CELF4: variants seen among roughly 807,000 people sequenced by gnomAD.
The protein encoded by CELF4 is CUGBP Elav-like family member 4.
Under a neutral mutation model 59.9 loss-of-function variants are expected in CELF4, and 18 were observed. The observed-to-expected ratio is 0.30, with a 90% CI of 0.21 to 0.45. The LOEUF is 0.45. CELF4 is among the 20% of genes least tolerant of loss of function. The pLI, the probability that CELF4 is intolerant of heterozygous loss-of-function variation, is 1.00. For synonymous variants in CELF4, 261 were observed against 267.1 expected (o/e 0.98, Z 0.22); for missense variants, 456 against 689.0 (o/e 0.66, Z 3.79).
intron 2 of CELF4, among the ~76,000 whole-genome samples, 181 bp from the exon 3 acceptor site, chr18:37,322,062 G>T (rs1233565726): frequency 6.6e-6 from 1 of 152,216 alleles, no homozygotes; most frequent in Admixed American, 6.5e-5. Context: ...TCCCCTCGAC[G>T]GCACGGCCCC....
chr18:37,386,439 A>G (rs957366992), intron 2 of CELF4, among the ~76,000 whole-genome samples: 12 of 152,092 alleles, frequency 7.9e-5, no homozygotes, highest in Admixed American at 6.5e-4. Context: ...CTGTGTGGAG[A>G]GGCCAGCTTG....
At chr18:37,345,023 T>C (rs1328510226) in intron 2 of CELF4, among the ~76,000 whole-genome samples, 1 of 152,322 alleles carries the variant, frequency 6.6e-6, no homozygotes, top group South Asian at 2.1e-4. Flanking sequence ...AAGTCCATGT[T>C]TGCAGGATGT....
At chr18:37,307,130 C>G (rs1466404354) in intron 3 of CELF4, among the ~76,000 whole-genome samples, 1 of 152,086 alleles carries the variant, frequency 6.6e-6, no homozygotes, top group East Asian at 1.9e-4. Context: ...GGGGCTTGTA[C>G]TCCACTCCCA....
intron 1 of CELF4, among the ~76,000 whole-genome samples, chr18:37,521,331 C>T (rs116662967): frequency 0.016 from 2,397 of 152,198 alleles, 69 homozygotes; most frequent in African/African-American, 0.054. Context: ...TAATGGTCCC[C>T]CAGCCCTCCA....
In CELF4 at chr18:37,245,376, T is replaced by G. The variant is rs540754161; in HGVS notation, c.*45-179A>C. Among the ~76,000 whole-genome samples the G allele has an allele frequency of 2.6e-5, 4 of 152,168 alleles. No homozygotes were observed. The highest frequency in any genetic ancestry group is 2.6e-4 in the Admixed American group (4 of 15,286). On this transcript the variant is annotated intron_variant, in intron 12 of 12. Transcript: ENST00000420428. This position sits in a 1 kb window ranked among gnomAD's most constrained non-coding sequence, Gnocchi z 4.1. ...CATGATACATTAAAAAGAAATATAC[T>G]CTTCTATTCAGAGTAGAAACCACTG... is the stretch of plus-strand genomic sequence containing the variant.
chr18:37,494,700 G>A (rs1395332396), intron 1 of CELF4, among the ~76,000 whole-genome samples: 1 of 152,192 alleles, frequency 6.6e-6, no homozygotes, highest in Admixed American at 6.5e-5. Context: ...GGCCACAGTG[G>A]GAGAGCAGAG....
rs564250939 is a variant in CELF4, at chr18:37,454,056, T to C, written c.369+31469A>G. Among the ~76,000 whole-genome samples, 9 of 152,314 alleles carry C rather than the reference T, an allele frequency of 5.9e-5. No homozygotes were observed. In the East Asian group the frequency reaches 1.7e-3, roughly 29 times the overall value. ...GAGCCAGCATTCCTCTCCACTCATC[T>C]GTCTTTCTAGCAAAAAACCCCTATT... On this transcript the variant is annotated intron_variant, in intron 2 of 12. Coordinates refer to ENST00000420428, the MANE Select transcript of CELF4 (RefSeq NM_020180.4).
intron 2 of CELF4, among the ~76,000 whole-genome samples, chr18:37,468,663 G>C (rs1470326734): frequency 6.6e-6 from 1 of 152,166 alleles, no homozygotes; most frequent in Non-Finnish European, 1.5e-5. Flanking sequence ...ATCAAGAAAA[G>C]AGGTTTAATT....
At chr18:37,390,241 C>T (rs1045839131) in intron 2 of CELF4, among the ~76,000 whole-genome samples, 8 of 152,144 alleles carry the variant, frequency 5.3e-5, no homozygotes, top group Non-Finnish European at 7.3e-5. Flanking sequence ...GGCTGCGTGT[C>T]GTGTCAGTTT....
intron 2 of CELF4, among the ~76,000 whole-genome samples, chr18:37,393,954 G>C (rs1286027053): frequency 6.7e-6 from 1 of 150,288 alleles, no homozygotes. Context: ...TCCTCCGAGC[G>C]GAGCGCCAGA....
chr18:37,407,348 G>A (rs540087223), intron 2 of CELF4, among the ~76,000 whole-genome samples: 4 of 152,290 alleles, frequency 2.6e-5, no homozygotes, highest in East Asian at 1.9e-4. Flanking sequence ...CCCAGCATGA[G>A]TGAGCAGACA....
At chr18:37,444,652 ACG>A (rs1557426532) in intron 2 of CELF4, among the ~76,000 whole-genome samples, 1 of 144,082 alleles carries the variant, frequency 6.9e-6, no homozygotes, top group Non-Finnish European at 1.5e-5. Context: ...ACACACACAC[ACG>A]CGAACGATGC....
At chr18:37,454,695 T>C (rs1363656765) in intron 2 of CELF4, among the ~76,000 whole-genome samples, 1 of 152,162 alleles carries the variant, frequency 6.6e-6, no homozygotes, top group Non-Finnish European at 1.5e-5. Context: ...CAAAGCATAT[T>C]TTACTCCCAA....
intron 6 of CELF4, 127 bp downstream of exon 6, chr18:37,274,184 C>T (rs2092514389): frequency 1.5e-5 from 22 of 1,506,734 alleles, no homozygotes; most frequent in Non-Finnish European, 1.9e-5. Flanking sequence ...GGGTTCATTC[C>T]CGGCCCCTCC....
At chr18:37,274,493 A>T in intron 5 of CELF4, 39 bp from the exon 6 acceptor site, 1 of 1,609,562 alleles carries the variant, frequency 6.2e-7, no homozygotes, top group Non-Finnish European at 8.5e-7. Context: ...CCTGCTCCAG[A>T]GCCTCCGCCC....
At chr18:37,436,983 T>A (rs1039506752) in intron 2 of CELF4, among the ~76,000 whole-genome samples, 3 of 152,224 alleles carry the variant, frequency 2.0e-5, no homozygotes, top group African/African-American at 7.2e-5. Context: ...ATTGTCTTAA[T>A]AGTTCTGATA....
chr18:37,357,515 C>G (rs2098613358), intron 2 of CELF4, among the ~76,000 whole-genome samples: 1 of 152,196 alleles, frequency 6.6e-6, no homozygotes, highest in Non-Finnish European at 1.5e-5. Context: ...AGAACCTCTG[C>G]TAGGGCAGTG....
chr18:37,248,113 T>C (rs1168337935), intron 12 of CELF4, among the ~76,000 whole-genome samples: 2 of 144,434 alleles, frequency 1.4e-5, no homozygotes, highest in Non-Finnish European at 3.1e-5. Flanking sequence ...CTGGCCACCA[T>C]CCTAGAGAAG....
At chr18:37,507,257 G>A (rs754357405) in intron 1 of CELF4, among the ~76,000 whole-genome samples, 15 of 152,356 alleles carry the variant, frequency 9.8e-5, no homozygotes, top group Admixed American at 2.0e-4. Flanking sequence ...AACAGGGTGG[G>A]GAGGAGGCCC....
Sources: allele counts gnomAD v4.1 joint callset (sites outside exome capture counted in the v4.1 genomes callset), GRCh38; gene constraint gnomAD v4.1.1; non-coding constraint Gnocchi (gnomAD v3.1); transcripts MANE v1.5; gene names NCBI Gene and HGNC (gene_info 2026-07-23, HGNC 2026-07-21).